Variants in KAZN observed in about 807,000 individuals in gnomAD.
KAZN encodes the protein kazrin, periplakin interacting protein, also known as kazrin.
Under a neutral mutation model 87.4 loss-of-function variants are expected in KAZN, and 40 were observed. The observed-to-expected ratio is 0.46, with a 90% CI of 0.36 to 0.60. KAZN has a LOEUF of 0.60. Among genes scored for constraint, KAZN ranks in the 20% least tolerant of loss-of-function variants. The pLI, the probability that KAZN is intolerant of heterozygous loss-of-function variation, is 0.00. For missense variants in KAZN, 898 were observed against 1,073.9 expected, an observed-to-expected ratio of 0.84 and a Z score of 2.29; for synonymous variants, 466 against 458.3, an observed-to-expected ratio of 1.02 and a Z score of -0.22.
intron 2 of KAZN, among the ~76,000 whole-genome samples, chr1:14,982,548 G>A (rs879667256): frequency 2.0e-5 from 3 of 146,904 alleles, no homozygotes; most frequent in Non-Finnish European, 4.5e-5. Flanking sequence ...TCCTGCCTCA[G>A]CCTCCCCAGC....
chr1:14,508,490 C>G (rs147229102), intron 2 of KAZN, among the ~76,000 whole-genome samples: 35 of 152,294 alleles, frequency 2.3e-4, no homozygotes, highest in African/African-American at 8.4e-4. Context: ...ATTTTAAGAC[C>G]TTCCTTAAAC....
chr1:14,528,526 G>A (rs1672035570), intron 2 of KAZN, among the ~76,000 whole-genome samples: 1 of 151,768 alleles, frequency 6.6e-6, no homozygotes, highest in Admixed American at 6.6e-5. Context: ...GCTCACGCCT[G>A]TAACCCCAGC....
chr1:14,131,613 CTT>C (rs371576891), intron 1 of KAZN, among the ~76,000 whole-genome samples: 43 of 152,116 alleles, frequency 2.8e-4, no homozygotes, highest in African/African-American at 1.0e-3. Flanking sequence ...TGGTTGGAAA[CTT>C]ATTTCTTTGT....
At chr1:14,665,658 G>A (rs1639488763) in intron 1 of KAZN, among the ~76,000 whole-genome samples, 1 of 152,072 alleles carries the variant, frequency 6.6e-6, no homozygotes, top group Non-Finnish European at 1.5e-5. Flanking sequence ...TCCCTGATAT[G>A]AAAAGTGGAG....
At chr1:14,753,594 T>C (rs1214866326) in intron 1 of KAZN, among the ~76,000 whole-genome samples, 1 of 151,508 alleles carries the variant, frequency 6.6e-6, no homozygotes, top group South Asian at 2.1e-4. Flanking sequence ...TAAAAAAAAA[T>C]AAAATAAAAT....
chr1:14,126,551 G>A (rs1304281629), intron 1 of KAZN, among the ~76,000 whole-genome samples: 2 of 151,822 alleles, frequency 1.3e-5, no homozygotes, highest in Non-Finnish European at 2.9e-5. Context: ...TTTAGCAAAG[G>A]TCTCATTTGA....
chr1:14,707,388 A>T (rs2148815577), intron 1 of KAZN, among the ~76,000 whole-genome samples: 1 of 152,260 alleles, frequency 6.6e-6, no homozygotes, highest in African/African-American at 2.4e-5. Flanking sequence ...ATAACCAGAG[A>T]TGTAGTATCT....
intron 1 of KAZN, among the ~76,000 whole-genome samples, chr1:13,932,992 C>G (rs950963850): frequency 2.6e-5 from 4 of 152,188 alleles, no homozygotes; most frequent in African/African-American, 9.7e-5. Context: ...AGAATTCCTA[C>G]ACACCCTTCA....
At chr1:14,476,934 G>T (rs1303943766) in intron 2 of KAZN, among the ~76,000 whole-genome samples, 3 of 152,154 alleles carry the variant, frequency 2.0e-5, no homozygotes, top group Admixed American at 2.0e-4. Context: ...TGTTCCCTCT[G>T]CCTAGAGTGT....
At chr1:13,996,936 G>C (rs1434118218) in intron 1 of KAZN, among the ~76,000 whole-genome samples, 1 of 152,160 alleles carries the variant, frequency 6.6e-6, no homozygotes, top group Non-Finnish European at 1.5e-5. Flanking sequence ...AAGATACCCT[G>C]TACAGGAACA....
intron 2 of KAZN, among the ~76,000 whole-genome samples, chr1:14,299,816 G>A (rs1037008153): frequency 1.3e-5 from 2 of 152,204 alleles, no homozygotes; most frequent in Non-Finnish European, 2.9e-5. Context: ...AAGTTCATTA[G>A]CCAAAGCAAG....
chr1:14,456,516 T>C (rs1667575917), intron 2 of KAZN, among the ~76,000 whole-genome samples: 1 of 152,192 alleles, frequency 6.6e-6, no homozygotes, highest in Non-Finnish European at 1.5e-5. Flanking sequence ...TTCATGTAGG[T>C]GACGTTGTAT....
chr1:14,458,565 G>A (rs1395756972), intron 2 of KAZN, among the ~76,000 whole-genome samples: 1 of 152,178 alleles, frequency 6.6e-6, no homozygotes, highest in Non-Finnish European at 1.5e-5. Context: ...GGTCTGAGTA[G>A]CCCCTTTTCT....
Position 14,205,884 on chromosome 1 carries a change from CAAAAAA to C in KAZN, c.249+25309_249+25314del, listed in dbSNP as rs70997121. ...CAGGCGACAGAGCAAGACACTGTCT[CAAAAAA>C]AAAAAAAAAAAAAAAAGCTACCTAA... On this transcript the variant is annotated intron_variant, in intron 2 of 16. Coordinates refer to the KAZN transcript ENST00000636203. Among the ~76,000 whole-genome samples, 68 of 35,218 alleles carry C rather than the reference CAAAAAA, an allele frequency of 1.9e-3. 3 individuals carry two copies. Among genetic ancestry groups the C allele is most frequent in the Middle Eastern group, 0.091 (2 of 22 alleles). 23.1% of individuals were successfully genotyped at this position (35,218 alleles called of 152,430 possible). A position where few individuals can be genotyped will look rare whatever the true frequency, so the allele number is the denominator to read the frequency against.
chr1:14,088,955 A>T (rs1276901893), intron 1 of KAZN, among the ~76,000 whole-genome samples: 3 of 142,616 alleles, frequency 2.1e-5, no homozygotes, highest in Non-Finnish European at 3.1e-5. Context: ...CATCATTCTA[A>T]TTTTTTTTTT....
At chr1:14,292,534 C>G (rs1301643237) in intron 2 of KAZN, among the ~76,000 whole-genome samples, 1 of 152,132 alleles carries the variant, frequency 6.6e-6, no homozygotes, top group African/African-American at 2.4e-5. Context: ...GATCCATGTC[C>G]AGGGAGTGAA....
chr1:14,980,961 AGGC>A (rs1272828568), intron 2 of KAZN, among the ~76,000 whole-genome samples: 1 of 152,120 alleles, frequency 6.6e-6, no homozygotes, highest in African/African-American at 2.4e-5. Context: ...CGCCCTGACA[AGGC>A]GGCGTAACCA....
At chr1:13,926,539 G>T (rs1034649890) in intron 1 of KAZN, among the ~76,000 whole-genome samples, 1 of 151,882 alleles carries the variant, frequency 6.6e-6, no homozygotes, top group Non-Finnish European at 1.5e-5. Flanking sequence ...GCATGTACAC[G>T]TGTAGCCAGT....
chr1:13,931,327 T>G (rs151254372), intron 1 of KAZN, among the ~76,000 whole-genome samples: 1 of 152,192 alleles, frequency 6.6e-6, no homozygotes, highest in Admixed American at 6.5e-5. Flanking sequence ...TCCCTCCAAA[T>G]AGCAGTGCAG....
Sources: gnomAD v4.1 joint callset for allele counts (sites outside exome capture counted in the v4.1 genomes callset) on GRCh38, gnomAD v4.1.1 for gene constraint, MANE v1.5 for transcripts, NCBI Gene and HGNC (gene_info 2026-07-23, HGNC 2026-07-21) for gene names.